SPOCK1: variants seen among roughly 807,000 people sequenced by gnomAD.
The protein encoded by SPOCK1 is testican-1.
A neutral mutation model predicts 55.3 loss-of-function variants in SPOCK1; 23 were observed. That is an observed-to-expected ratio of 0.42 (90% confidence interval 0.30 to 0.59). The LOEUF is 0.59. Among genes scored for constraint, SPOCK1 ranks in the 20% least tolerant of loss-of-function variants. The pLI is 0.22. For synonymous variants in SPOCK1, 226 were observed against 221.0 expected (o/e 1.02, Z -0.20); for missense variants, 499 against 552.5 (o/e 0.90, Z 0.97).
At chr5:137,035,575 G>A (rs1400965418) in intron 6 of SPOCK1, among the ~76,000 whole-genome samples, 2 of 152,178 alleles carry the variant, frequency 1.3e-5, no homozygotes, top group Non-Finnish European at 2.9e-5. Flanking sequence ...AGGATGGCCT[G>A]TCTGCCAGAC....
chr5:137,391,671 T>A (rs986316445), intron 2 of SPOCK1, among the ~76,000 whole-genome samples: 1 of 151,804 alleles, frequency 6.6e-6, no homozygotes, highest in Non-Finnish European at 1.5e-5. Flanking sequence ...CTCTCCCCGC[T>A]CCCCTCCATG....
At chr5:137,031,777 T>C (rs1293034138) in intron 6 of SPOCK1, among the ~76,000 whole-genome samples, 1 of 152,054 alleles carries the variant, frequency 6.6e-6, no homozygotes, top group Non-Finnish European at 1.5e-5. Flanking sequence ...AAGCTTTATC[T>C]CAGAAAAACT....
chr5:136,985,750 G>A (rs187769469), intron 8 of SPOCK1, among the ~76,000 whole-genome samples: 2 of 152,316 alleles, frequency 1.3e-5, no homozygotes, highest in Non-Finnish European at 2.9e-5. Flanking sequence ...TCTAGGCTCT[G>A]CCACCTCCTA....
intron 5 of SPOCK1, among the ~76,000 whole-genome samples, chr5:137,109,474 A>C (rs1334408823): frequency 3.9e-5 from 6 of 152,138 alleles, no homozygotes; most frequent in Non-Finnish European, 7.3e-5. Context: ...TTTTCTGAGC[A>C]GCCACTATCT....
At chr5:137,428,632 T>C (rs1752682912) in intron 2 of SPOCK1, among the ~76,000 whole-genome samples, 1 of 152,180 alleles carries the variant, frequency 6.6e-6, no homozygotes, top group African/African-American at 2.4e-5. Context: ...GAAGCACTAG[T>C]TCATCCCTGT....
chr5:136,984,783 T>C (rs2074806), intron 9 of SPOCK1, among the ~76,000 whole-genome samples: 25,563 of 152,178 alleles, frequency 0.17, 2,615 homozygotes, highest in African/African-American at 0.28. Context: ...ATGGAGGAAA[T>C]GCTATAATTT....
intron 2 of SPOCK1, among the ~76,000 whole-genome samples, chr5:137,326,288 A>C (rs545075504): frequency 1.3e-5 from 2 of 152,184 alleles, no homozygotes; most frequent in African/African-American, 4.8e-5. Flanking sequence ...CCAAAAAAAA[A>C]AAAAATCTAG....
chr5:137,217,086 C>A (rs1343318804), intron 3 of SPOCK1, among the ~76,000 whole-genome samples: 1 of 152,024 alleles, frequency 6.6e-6, no homozygotes, highest in Non-Finnish European at 1.5e-5. Flanking sequence ...GACAGGGAGG[C>A]CCATGAGAAG....
intron 4 of SPOCK1, among the ~76,000 whole-genome samples, chr5:137,118,777 C>T (rs1344439137): frequency 2.6e-5 from 4 of 152,252 alleles, no homozygotes; most frequent in South Asian, 2.1e-4. Flanking sequence ...TGAAGGAGGG[C>T]CATTCATTTT....
At chr5:137,294,010 T>C (rs537613462) in intron 2 of SPOCK1, among the ~76,000 whole-genome samples, 44 of 152,270 alleles carry the variant, frequency 2.9e-4, no homozygotes, top group African/African-American at 9.4e-4. Context: ...CGACACTCCA[T>C]CTCAAAAAGT....
intron 2 of SPOCK1, among the ~76,000 whole-genome samples, chr5:137,374,422 T>C (rs1406024347): frequency 6.6e-6 from 1 of 152,200 alleles, no homozygotes; most frequent in Non-Finnish European, 1.5e-5. Context: ...CCAGTTCCAC[T>C]CGTCAAGAGA....
chr5:137,443,654 T>C (rs1753063284), intron 2 of SPOCK1, among the ~76,000 whole-genome samples: 1 of 152,146 alleles, frequency 6.6e-6, no homozygotes, highest in African/African-American at 2.4e-5. Flanking sequence ...AGCCTGCCCT[T>C]ATTCAGCTAT....
At chr5:137,280,467 G>A (rs1757149256) in intron 2 of SPOCK1, among the ~76,000 whole-genome samples, 1 of 152,226 alleles carries the variant, frequency 6.6e-6, no homozygotes, top group Admixed American at 6.5e-5. Flanking sequence ...GGACTGGAAT[G>A]CACTGAAAGA....
intron 2 of SPOCK1, among the ~76,000 whole-genome samples, chr5:137,311,536 T>C (rs567608299): frequency 1.3e-5 from 2 of 152,334 alleles, no homozygotes; most frequent in South Asian, 4.1e-4. Context: ...TCTGCAAGCA[T>C]AAGTAATGTG....
At chr5:137,235,013 G>T (rs1289236601) in intron 3 of SPOCK1, among the ~76,000 whole-genome samples, 2 of 152,196 alleles carry the variant, frequency 1.3e-5, no homozygotes, top group African/African-American at 4.8e-5. Context: ...AGACAGTACT[G>T]CTACGGAAGT....
At chr5:137,376,616 C>A (rs926835042) in intron 2 of SPOCK1, among the ~76,000 whole-genome samples, 5 of 152,298 alleles carry the variant, frequency 3.3e-5, no homozygotes, top group East Asian at 1.9e-4. Context: ...GTAGAAGATT[C>A]TTTTTCATGA....
intron 9 of SPOCK1, among the ~76,000 whole-genome samples, chr5:136,980,182 A>T (rs931431966): frequency 7.9e-4 from 9 of 11,352 alleles, no homozygotes; most frequent in Non-Finnish European, 3.2e-3. Flanking sequence ...GTTTGCAGGC[A>T]AAAAAAAAAA....
chr5:137,122,245 ACACACACACACG>A (rs879481398), intron 4 of SPOCK1, among the ~76,000 whole-genome samples: 2,036 of 123,366 alleles, frequency 0.017, 48 homozygotes, highest in African/African-American at 0.069. Context: ...AGTTATACAC[ACACACACACACG>A]CACACACACA....
chr5:137,366,619 A>T (rs1297910182), intron 2 of SPOCK1, among the ~76,000 whole-genome samples: 2 of 152,240 alleles, frequency 1.3e-5, no homozygotes, highest in African/African-American at 2.4e-5. Context: ...GTAGGACTAC[A>T]TTCAGGTGAA....
Sources: allele counts gnomAD v4.1 joint callset (sites outside exome capture counted in the v4.1 genomes callset), GRCh38; gene constraint gnomAD v4.1.1; transcripts MANE v1.5; gene names NCBI Gene and HGNC (gene_info 2026-07-23, HGNC 2026-07-21).